Variants in DGKE observed in about 807,000 individuals in gnomAD.
DGKE encodes DAG kinase epsilon.
DGKE carries 53 observed loss-of-function variants against 70.0 expected under a neutral mutation model. That is an observed-to-expected ratio of 0.76 (90% confidence interval 0.61 to 0.95). The LOEUF (loss-of-function observed/expected upper bound fraction) is 0.95. Ranked by LOEUF, DGKE falls within the 40% of genes least tolerant of loss-of-function variation. DGKE has a pLI of 0.00. For missense variants in DGKE, 655 were observed against 706.9 expected (o/e 0.93, Z 0.83); for synonymous variants, 291 against 257.0 (o/e 1.13, Z -1.27).
In DGKE at chr17:56,849,200, A is replaced by T. The variant is rs1404247469; in HGVS notation, c.1066A>T (p.Asn356Tyr). The T allele has an allele frequency of 6.2e-7, 1 of 1,610,236 alleles. No individual in the cohort carries two copies. Among genetic ancestry groups the T allele is most frequent in the Non-Finnish European group, 8.5e-7 (1 of 1,179,054 alleles). Residue 356 changes from asparagine to tyrosine, a missense_variant, in exon 7 of 12, where the codon AAT (asparagine) becomes TAT (tyrosine). By Grantham distance (143) the Asn-to-Tyr change is moderately radical. Coordinates refer to ENST00000284061, the MANE Select transcript of DGKE (RefSeq NM_003647.3). ...TTTTAGATGGAAAGTTCAAGTAACA[A>T]ATAAAGGATACTACAACTTAAGAAA... Reference protein sequence around the residue: ...KLDRWKVQVTNKGYYNLRKPK... With the variant: ...KLDRWKVQVTYKGYYNLRKPK...
chr17:56,843,441 T>C (rs1462129217), intron 2 of DGKE, among the ~76,000 whole-genome samples: 1 of 152,028 alleles, frequency 6.6e-6, no homozygotes, highest in Non-Finnish European at 1.5e-5. Context: ...AACTCTTTAG[T>C]GTTATTATTA....
At chr17:56,845,859 A>G (rs1330643884) in intron 4 of DGKE, 50 bp downstream of exon 4, 1 of 1,525,432 alleles carries the variant, frequency 6.6e-7, no homozygotes, top group Non-Finnish European at 8.8e-7. Context: ...TTTCCCCAAA[A>G]TGCAATGATT....
At chr17:56,854,940 A>G (rs7218483) in intron 7 of DGKE, among the ~76,000 whole-genome samples, 1 of 152,202 alleles carries the variant, frequency 6.6e-6, no homozygotes, top group Non-Finnish European at 1.5e-5. Context: ...GAACATCCAA[A>G]CAATCAAATA....
chr17:56,852,178 T>C (rs1453690943), intron 7 of DGKE, among the ~76,000 whole-genome samples: 1 of 152,170 alleles, frequency 6.6e-6, no homozygotes, highest in Non-Finnish European at 1.5e-5. Context: ...TCTGGGAGGC[T>C]GAGGCAGGTG....
chr17:56,862,324 A>G (rs1305272009), intron 11 of DGKE, 73 bp downstream of exon 11: 23 of 1,370,342 alleles, frequency 1.7e-5, no homozygotes, highest in Non-Finnish European at 1.0e-5. Flanking sequence ...TAAAATATAC[A>G]TGCTATACTT....
At chr17:56,835,547 G>A (rs911264312) in intron 2 of DGKE, 1 of 456,660 alleles carries the variant, frequency 2.2e-6, no homozygotes, top group Non-Finnish European at 3.8e-6. Flanking sequence ...CTGCTTCATG[G>A]CCACTGTATA....
At chr17:56,851,207 A>G (rs1907628466) in intron 7 of DGKE, among the ~76,000 whole-genome samples, 1 of 152,076 alleles carries the variant, frequency 6.6e-6, no homozygotes, top group Admixed American at 6.5e-5. Flanking sequence ...AGTGGTTCTG[A>G]AAATAGAAGG....
chr17:56,836,928 A>C (rs1158748051), intron 2 of DGKE, among the ~76,000 whole-genome samples: 1 of 152,122 alleles, frequency 6.6e-6, no homozygotes, highest in Admixed American at 6.5e-5. Context: ...GGCACCCTTA[A>C]AGACCCATCC....
intron 2 of DGKE, 40 bp downstream of exon 2, chr17:56,835,299 G>T (rs1228627384): frequency 6.4e-7 from 1 of 1,558,816 alleles, no homozygotes; most frequent in Non-Finnish European, 8.7e-7. Context: ...AGAATGCGCC[G>T]TGGGAATCAG....
chr17:56,865,463 A>G lies in DGKE; in HGVS notation c.*2672A>G, dbSNP rs998365655. On this transcript the variant is annotated 3_prime_UTR_variant, in exon 12 of 12. Coordinates refer to ENST00000284061, the MANE Select transcript of DGKE (RefSeq NM_003647.3). ...AAAGATCCCTTAGGCAGATGATGAT[A>G]ATTTTCAGTGTTTCGTCATGTTTAA... 12 of 152,158 alleles carry G rather than the reference A, an allele frequency of 7.9e-5. No individual in the cohort carries two copies. The highest frequency in any genetic ancestry group is 2.7e-4 in the African/African-American group (11 of 41,446). 9.4% of individuals were successfully genotyped at this position (152,158 alleles called of 1,614,324 possible).
intron 7 of DGKE, among the ~76,000 whole-genome samples, chr17:56,854,225 G>C (rs1362087147): frequency 6.6e-6 from 1 of 152,126 alleles, no homozygotes; most frequent in Admixed American, 6.5e-5. Context: ...TAGTTAGGAA[G>C]AATAAGTTCT....
At position 56,835,001 on chromosome 17, in the gene DGKE, G is replaced by A; in HGVS notation, c.206G>A (p.Ser69Asn). ...GGGTGGCGCGACACGGACCTGTTCA[G>A]CCAGCCCACCTACTGCTGCGTGTGC... Reference protein sequence around the residue: ...KHGWRDTDLFSQPTYCCVCAQ... With the variant: ...KHGWRDTDLFNQPTYCCVCAQ... Residue 69 changes from serine (S) to asparagine (N), a missense_variant, in exon 2 of 12, where the codon AGC (serine) becomes AAC (asparagine). Ser to Asn is a conservative substitution (Grantham distance 46). Transcript: ENST00000284061. 2 of 1,612,632 alleles carry A rather than the reference G, an allele frequency of 1.2e-6. No homozygotes were observed. Among genetic ancestry groups the A allele is most frequent in the Non-Finnish European group, 1.7e-6 (2 of 1,179,998 alleles).
At chr17:56,850,549 TA>T (rs1266077523) in intron 7 of DGKE, among the ~76,000 whole-genome samples, 1 of 152,064 alleles carries the variant, frequency 6.6e-6, no homozygotes, top group Non-Finnish European at 1.5e-5. Flanking sequence ...AGAATTACAG[TA>T]GGTGGGTGAT....
chr17:56,862,781 C>A lies in DGKE; in HGVS notation c.1694C>A (p.Ala565Glu). The change falls in exon 12 of 12, where the codon GCG (alanine) becomes GAG (glutamate). Residue 565 changes from alanine (A) to glutamate (E), a missense_variant. By Grantham distance (107) the Ala-to-Glu change is moderately radical (BLOSUM62 -1). Transcript: ENST00000284061. ...SSTSDQEDIK[A>E]TE is the part of the protein sequence containing the mutation. ...ACTTCGGATCAAGAAGATATAAAGG[C>A]GACTGAATAGATGGATGAGGGAGTG... is the stretch of plus-strand genomic sequence containing the variant. 1 of 1,568,822 alleles carries A rather than the reference C, an allele frequency of 6.4e-7. No homozygotes were observed. Among genetic ancestry groups the A allele is most frequent in the East Asian group, 2.3e-5 (1 of 43,630 alleles).
At chr17:56,843,360 A>G (rs554267659) in intron 2 of DGKE, among the ~76,000 whole-genome samples, 25 of 152,282 alleles carry the variant, frequency 1.6e-4, no homozygotes, top group African/African-American at 4.6e-4. Context: ...ATTTGCTTCT[A>G]TTGTCATAGC....
At chr17:56,841,324 A>G (rs1480869490) in intron 2 of DGKE, among the ~76,000 whole-genome samples, 1 of 152,136 alleles carries the variant, frequency 6.6e-6, no homozygotes, top group African/African-American at 2.4e-5. Context: ...ATATCTGTAT[A>G]TATATTTTTA....
Position 56,848,711 on chromosome 17 carries a change from A to T in DGKE, c.904A>T (p.Ile302Phe). 6.2e-7 allele frequency: 1 copy of T among 1,614,156 alleles called. No homozygotes were observed. Among genetic ancestry groups the T allele is most frequent in the Non-Finnish European group, 8.5e-7 (1 of 1,180,006 alleles). ...DMKIKGQEKY[I>F]PQVAVLPLGT... is the part of the protein sequence containing the mutation. ...CATATTCTAGGGACAAGAAAAGTACATTCCACAAGTTGCAGTTTTGCCTCT... is the reference window on the plus strand; with the variant it reads ...CATATTCTAGGGACAAGAAAAGTACTTTCCACAAGTTGCAGTTTTGCCTCT... Residue 302 changes from isoleucine (I) to phenylalanine (F), a missense_variant, in exon 6 of 12, where the codon ATT (isoleucine) becomes TTT (phenylalanine). Coordinates refer to ENST00000284061, the MANE Select transcript of DGKE (RefSeq NM_003647.3).
At chr17:56,846,497 A>G (rs762749556) in intron 4 of DGKE, among the ~76,000 whole-genome samples, 4 of 152,200 alleles carry the variant, frequency 2.6e-5, no homozygotes, top group Non-Finnish European at 5.9e-5. Flanking sequence ...TGGTTGTGCA[A>G]TTCAGTGAAC....
chr17:56,843,712 C>T (rs1907121377), intron 2 of DGKE, among the ~76,000 whole-genome samples: 1 of 149,124 alleles, frequency 6.7e-6, no homozygotes, highest in African/African-American at 2.5e-5. Context: ...GCAGAAGAAT[C>T]ACTTGATCCT....
Sources: allele counts gnomAD v4.1 joint callset (sites outside exome capture counted in the v4.1 genomes callset), GRCh38; gene constraint gnomAD v4.1.1; transcripts MANE v1.5; gene names NCBI Gene and HGNC (gene_info 2026-07-23, HGNC 2026-07-21).